Variants in MDN1 observed in about 807,000 individuals in gnomAD.
MDN1 encodes midasin AAA ATPase 1.
MDN1 carries 266 observed loss-of-function variants against 669.2 expected under a neutral mutation model. The ratio of observed to expected loss-of-function variants is 0.40; its 90% CI spans 0.36 to 0.44. The LOEUF is 0.44. MDN1 is among the 20% of genes least tolerant of loss of function. The probability of loss-of-function intolerance (pLI) is 1.00; values close to 1 mark genes in which losing one functional copy is unlikely to be tolerated. For synonymous variants in MDN1, 2,385 were observed against 2,457.1 expected (o/e 0.97, Z 0.87); for missense variants, 5,940 against 6,754.0 (o/e 0.88, Z 4.22).
rs148868949 is a variant in MDN1 at position 89,687,402 on chromosome 6, G to T, written c.11392C>A (p.Arg3798=). 7.4e-6 allele frequency: 12 copies of T among 1,613,824 alleles called. No individual in the cohort carries two copies. The African/African-American group carries it at 1.6e-4, about 22-fold the overall frequency. ...EENASRALSL[R]KHLDLISQMI... is the part of the protein sequence containing the mutation. ...TGACTGATCAAATCAAGATGTTTCC[G>T]CAAAGACAAAGCTCGACTTGCATTT... Residue 3798 remains arginine, a synonymous_variant, in exon 68 of 102, where the codon CGG becomes AGG. Transcript: ENST00000369393.
chr6:89,688,446 T>A (rs1812165473), intron 66 of MDN1, 127 bp downstream of exon 66: 1 of 807,822 alleles, frequency 1.2e-6, no homozygotes, highest in African/African-American at 1.7e-5. Context: ...CTCATTGAAC[T>A]GCAGTTCTTT....
intron 82 of MDN1, 145 bp downstream of exon 82, chr6:89,672,055 C>T (rs1003364279): frequency 5.3e-6 from 4 of 753,884 alleles, no homozygotes; most frequent in African/African-American, 1.8e-5. Context: ...TGACTTTGCA[C>T]GTATAAATAA....
rs1808745710 is a variant in MDN1 at position 89,650,093 on chromosome 6, A to C, written c.16137T>G (p.Ser5379Arg). The C allele has an allele frequency of 1.2e-6, 2 of 1,614,186 alleles. No homozygotes were observed. Among genetic ancestry groups the C allele is most frequent in the African/African-American group, 2.7e-5 (2 of 75,060 alleles). Residue 5379 changes from serine (S) to arginine (R), a missense_variant, in exon 97 of 102, where the codon AGT (serine) becomes AGG (arginine). Physicochemically the swap from Ser to Arg is moderately radical, Grantham distance 110. Around this residue, in one of 5 missense-constraint regions of MDN1, gnomAD observed 2,280 missense variants for 2,576.3 expected, o/e 0.88. Coordinates refer to ENST00000369393, the MANE Select transcript of MDN1 (RefSeq NM_014611.3). ...DKIWLRRTKP[S>R]KRQYQICLAI... is the part of the protein sequence containing the mutation. ...CCAAACAAATCTGATACTGGCGTTT[A>C]CTGGGCTTGGTCCTTCGAAGCCAAA...
chr6:89,699,551 C>G (rs1242846420), intron 58 of MDN1, 50 bp downstream of exon 58: 1 of 1,541,762 alleles, frequency 6.5e-7, no homozygotes, highest in Non-Finnish European at 8.7e-7. Flanking sequence ...CAAAGAAAAT[C>G]TAACCAACTC....
At chr6:89,690,424 G>A (rs1358382545) in intron 64 of MDN1, among the ~76,000 whole-genome samples, 5 of 151,926 alleles carry the variant, frequency 3.3e-5, no homozygotes, top group Non-Finnish European at 5.9e-5. Context: ...ATATAAAAAC[G>A]GCAGGGTGTG....
chr6:89,682,516 G>A (rs1261333709), intron 73 of MDN1, among the ~76,000 whole-genome samples: 1 of 151,832 alleles, frequency 6.6e-6, no homozygotes, highest in Non-Finnish European at 1.5e-5. Flanking sequence ...AGACCATCCT[G>A]GCTAACACAG....
intron 33 of MDN1, among the ~76,000 whole-genome samples, chr6:89,736,357 A>T (rs1320300041): frequency 6.6e-6 from 1 of 152,234 alleles, no homozygotes; most frequent in Non-Finnish European, 1.5e-5. Context: ...CGTGACAGCA[A>T]CTGAACCCTC....
intron 2 of MDN1, among the ~76,000 whole-genome samples, chr6:89,796,324 CAAAAA>C (rs35169575): frequency 2.2e-5 from 1 of 45,392 alleles, no homozygotes; most frequent in Non-Finnish European, 3.5e-5. Flanking sequence ...AACTCTGTCT[CAAAAA>C]AAAAAAAAAA....
In MDN1 at chr6:89,670,170, A is replaced by ATATTT. The variant is rs1444537561; in HGVS notation, c.13956+748_13956+749insAAATA. On this transcript the variant is annotated intron_variant, in intron 83 of 101. Transcript: ENST00000369393. ...TATATATATATATATATATATATAT[A>ATATTT]TTTTTTTTTTTTTTTTTTTTGAGAT... Among the ~76,000 whole-genome samples, 22 of 23,396 alleles carry ATATTT rather than the reference A, an allele frequency of 9.4e-4. 1 individual carries two copies. The highest frequency in any genetic ancestry group is 2.3e-3 in the African/African-American group (9 of 3,908). 15.3% of individuals were successfully genotyped at this position (23,396 alleles called of 152,430 possible).
At chr6:89,663,060 C>T (rs1254814583) in intron 85 of MDN1, 93 bp from the exon 86 acceptor site, 3 of 1,409,690 alleles carry the variant, frequency 2.1e-6, no homozygotes, top group Middle Eastern at 1.9e-4. Flanking sequence ...CTAGCAAGGG[C>T]CCCACCTGAG....
At chr6:89,812,750 G>C (rs368461801) in intron 1 of MDN1, among the ~76,000 whole-genome samples, 6 of 152,030 alleles carry the variant, frequency 3.9e-5, no homozygotes, top group African/African-American at 1.2e-4. Flanking sequence ...ACATGTATCG[G>C]CTGAAATGTG....
Position 89,676,141 on chromosome 6 carries a change from C to A in MDN1, c.12606G>T (p.Arg4202=). 2.5e-6 allele frequency: 4 copies of A among 1,614,192 alleles called. No individual in the cohort carries two copies. Among genetic ancestry groups the A allele is most frequent in the Non-Finnish European group, 3.4e-6 (4 of 1,180,038 alleles). ...CTAGTGCTGCGTTAAGCCTGGCATG[C>A]CGTGCAAGAGAGCGATAAAAATACT... ...CQKYFYRSLA[R]HARLNAALAT... is the part of the protein sequence containing the mutation. Residue 4202 remains arginine, a synonymous_variant, in exon 77 of 102, where the codon CGG becomes CGT. Coordinates refer to ENST00000369393, the MANE Select transcript of MDN1 (RefSeq NM_014611.3).
chr6:89,771,762 G>A, intron 14 of MDN1, 141 bp from the exon 15 acceptor site: 2 of 688,058 alleles, frequency 2.9e-6, no homozygotes, highest in East Asian at 2.8e-5. Context: ...AGGGTGGAGT[G>A]CAGTGGCCCA....
rs62415987 is a variant in MDN1 at position 89,800,758 on chromosome 6, T to C, written c.329+2570A>G. On this transcript the variant is annotated intron_variant, in intron 2 of 101. Transcript: ENST00000369393. ...CATATATGATAACCTAGACTTGAGA[T>C]TGGTGTCTAGAGAGGGGGTGTGCAG... Among the ~76,000 whole-genome samples the C allele has an allele frequency of 7.8e-4, 118 of 152,180 alleles. 1 individual carries two copies. Among genetic ancestry groups the C allele is most frequent in the Non-Finnish European group, 1.3e-3 (88 of 68,010 alleles).
intron 53 of MDN1, 90 bp from the exon 54 acceptor site, chr6:89,702,151 A>C: frequency 7.8e-7 from 1 of 1,281,562 alleles, no homozygotes; most frequent in South Asian, 1.6e-5. Flanking sequence ...ACTGCTCACC[A>C]ACATCTCCCG....
chr6:89,759,903 C>G (rs1384559723), intron 17 of MDN1, among the ~76,000 whole-genome samples: 6 of 151,578 alleles, frequency 4.0e-5, no homozygotes, highest in African/African-American at 1.5e-4. Context: ...AAAACCCCGT[C>G]TCTACTAAAA....
At chr6:89,659,012 C>T (rs1809531514) in intron 88 of MDN1, 95 bp from the exon 89 acceptor site, 3 of 1,264,454 alleles carry the variant, frequency 2.4e-6, no homozygotes, top group Admixed American at 2.5e-5. Context: ...TGTCTTATTA[C>T]AATTCTCTAA....
At chr6:89,753,261 T>C (rs1394527265) in intron 22 of MDN1, among the ~76,000 whole-genome samples, 1 of 152,198 alleles carries the variant, frequency 6.6e-6, no homozygotes, top group African/African-American at 2.4e-5. Flanking sequence ...AAAATTTGGA[T>C]ATGTAAGAAA....
intron 40 of MDN1, among the ~76,000 whole-genome samples, chr6:89,720,754 A>G (rs759933194): frequency 6.6e-6 from 1 of 152,206 alleles, no homozygotes; most frequent in Non-Finnish European, 1.5e-5. Flanking sequence ...AACTACTAAG[A>G]CTTTCTCCTA....
Sources: allele counts gnomAD v4.1 joint callset (sites outside exome capture counted in the v4.1 genomes callset), GRCh38; gene constraint gnomAD v4.1.1; regional missense constraint gnomAD v4.1.1; transcripts MANE v1.5; gene names NCBI Gene and HGNC (gene_info 2026-07-23, HGNC 2026-07-21).